Variants in PDE1C observed in about 807,000 individuals in gnomAD.
PDE1C encodes dual specificity calcium/calmodulin-dependent 3',5'-cyclic nucleotide phosphodiesterase 1C.
PDE1C carries 62 observed loss-of-function variants against 93.1 expected under a neutral mutation model. The ratio of observed to expected loss-of-function variants is 0.67; its 90% CI spans 0.54 to 0.82. The LOEUF (loss-of-function observed/expected upper bound fraction) is 0.82, where lower values mean the gene tolerates loss of function less well. PDE1C is among the 40% of genes least tolerant of loss of function. PDE1C has a pLI of 0.00. For synonymous variants in PDE1C, 325 were observed against 310.1 expected (o/e 1.05, Z -0.50); for missense variants, 742 against 884.6 (o/e 0.84, Z 2.04).
intron 1 of PDE1C, among the ~76,000 whole-genome samples, chr7:32,062,039 C>T (rs1025977675): frequency 1.3e-5 from 2 of 152,148 alleles, no homozygotes; most frequent in African/African-American, 4.8e-5. Flanking sequence ...TCCAACTGCT[C>T]TTGCCTTCCC....
At chr7:31,917,030 G>A (rs1802012685) in intron 2 of PDE1C, among the ~76,000 whole-genome samples, 1 of 152,092 alleles carries the variant, frequency 6.6e-6, no homozygotes, top group African/African-American at 2.4e-5. Flanking sequence ...ACCAGGCATG[G>A]ACAGAAACTT....
At chr7:32,098,864 T>C (rs1179039988) in intron 3 of PDE1C, among the ~76,000 whole-genome samples, 3 of 152,190 alleles carry the variant, frequency 2.0e-5, no homozygotes, top group African/African-American at 4.8e-5. Flanking sequence ...GAAAGTAGAA[T>C]GGTGGCAGCC....
At chr7:32,221,373 C>G (rs1364746679) in intron 1 of PDE1C, among the ~76,000 whole-genome samples, 1 of 152,182 alleles carries the variant, frequency 6.6e-6, no homozygotes, top group East Asian at 1.9e-4. Context: ...CACCTAGGAG[C>G]CATTTTCAGC....
At chr7:31,995,844 C>G (rs17336016) in intron 2 of PDE1C, among the ~76,000 whole-genome samples, 32,453 of 151,970 alleles carry the variant, frequency 0.21, 4,188 homozygotes, top group South Asian at 0.29. Context: ...CAAAAAAATG[C>G]CTTTGTATTT....
intron 2 of PDE1C, among the ~76,000 whole-genome samples, chr7:31,954,151 T>TG (rs1225242087): frequency 6.6e-6 from 1 of 152,218 alleles, no homozygotes; most frequent in Non-Finnish European, 1.5e-5. Context: ...GGGAATTGGC[T>TG]GCCCAAATGG....
intron 3 of PDE1C, among the ~76,000 whole-genome samples, chr7:32,139,515 T>C (rs1040799321): frequency 1.4e-4 from 22 of 152,164 alleles, no homozygotes; most frequent in Admixed American, 1.3e-3. Context: ...AGTGTCCCTG[T>C]TTGCTTGGAC....
intron 1 of PDE1C, among the ~76,000 whole-genome samples, chr7:32,248,407 T>C (rs550077071): frequency 1.3e-5 from 2 of 152,310 alleles, no homozygotes; most frequent in Non-Finnish European, 2.9e-5. Context: ...AATGGGTTTA[T>C]AACCTAACAG....
chr7:31,737,476 A>G, the PDE1C span, among the ~76,000 whole-genome samples: 3 of 152,122 alleles, frequency 2.0e-5, no homozygotes, highest in African/African-American at 7.2e-5. Context: ...AATATAAAAC[A>G]TTGCCTCTAC....
At chr7:32,428,128 C>G (rs1785576461) in exon 1 of PDE1C, 1 of 152,386 alleles carries the variant, frequency 6.6e-6, no homozygotes. Context: ...GAGACCGAGC[C>G]CATCTCAGCG....
chr7:32,354,729 T>C (rs552351042), intron 1 of PDE1C, among the ~76,000 whole-genome samples: 3 of 126,634 alleles, frequency 2.4e-5, no homozygotes, highest in East Asian at 2.6e-4. Context: ...TTGCCACTCA[T>C]GTGTAATTTG....
intron 2 of PDE1C, among the ~76,000 whole-genome samples, chr7:31,922,234 C>G (rs575556940): frequency 1.3e-5 from 2 of 152,232 alleles, no homozygotes; most frequent in African/African-American, 4.8e-5. Flanking sequence ...TGTGTAGACT[C>G]TATTTAACAA....
intron 3 of PDE1C, among the ~76,000 whole-genome samples, chr7:32,113,163 T>C (rs1798769797): frequency 6.8e-6 from 1 of 146,134 alleles, no homozygotes; most frequent in Non-Finnish European, 1.5e-5. Context: ...AATCATGACA[T>C]GAAGTTTCAA....
At chr7:31,957,413 C>A (rs1808295253) in intron 2 of PDE1C, among the ~76,000 whole-genome samples, 1 of 151,988 alleles carries the variant, frequency 6.6e-6, no homozygotes, top group Non-Finnish European at 1.5e-5. Context: ...GATGAGACCC[C>A]AGTAGAGTCT....
rs1792869661 is a variant in PDE1C at position 31,848,233 on chromosome 7, A to G, written c.852-137T>C. ...TGTCCCCATGCCAGTTATATGAACCAAAAGCTCAACTAACACTACAAATCA... is the reference window on the plus strand; with the variant it reads ...TGTCCCCATGCCAGTTATATGAACCGAAAGCTCAACTAACACTACAAATCA... On this transcript the variant is annotated intron_variant, in intron 8 of 17. Coordinates refer to ENST00000396191, the MANE Select transcript of PDE1C (RefSeq NM_001191057.4). 3 of 759,972 alleles carry G rather than the reference A, an allele frequency of 3.9e-6. No homozygotes were observed. In the African/African-American group the frequency reaches 5.3e-5, roughly 13 times the overall value. 47.1% of individuals were successfully genotyped at this position (759,972 alleles called of 1,614,324 possible).
chr7:32,070,741 A>G (rs1228305599), upstream of PDE1C: 16 of 1,102,274 alleles, frequency 1.5e-5, no homozygotes, highest in South Asian at 2.7e-5. Context: ...CCTACCCCCA[A>G]ACAAAGCCAC....
At chr7:31,837,745 A>G in intron 10 of PDE1C, 125 bp downstream of exon 10, 1 of 636,706 alleles carries the variant, frequency 1.6e-6, no homozygotes, top group Non-Finnish European at 2.8e-6. Context: ...TTCAAACATA[A>G]TCATTGCATA....
At chr7:31,998,640 G>A (rs1339541715) in intron 2 of PDE1C, among the ~76,000 whole-genome samples, 1 of 152,138 alleles carries the variant, frequency 6.6e-6, no homozygotes, top group East Asian at 1.9e-4. Context: ...AGCAGAAAAT[G>A]ACCATTAGAA....
intron 2 of PDE1C, among the ~76,000 whole-genome samples, chr7:32,030,447 G>A (rs981053264): frequency 2.0e-5 from 3 of 152,028 alleles, no homozygotes; most frequent in African/African-American, 7.2e-5. Context: ...CAGAGAAAGT[G>A]TTTTCTTGAA....
At chr7:31,954,944 G>A (rs77030986) in intron 2 of PDE1C, among the ~76,000 whole-genome samples, 12,067 of 152,124 alleles carry the variant, frequency 0.079, 616 homozygotes, top group Middle Eastern at 0.14. Context: ...GTCAAGGCTC[G>A]GTTTTCTCAT....
Sources: gnomAD v4.1 joint callset for allele counts (sites outside exome capture counted in the v4.1 genomes callset) on GRCh38, gnomAD v4.1.1 for gene constraint, MANE v1.5 for transcripts, NCBI Gene and HGNC (gene_info 2026-07-23, HGNC 2026-07-21) for gene names.